LRRC4C: variants seen among roughly 807,000 people sequenced by gnomAD.
LRRC4C encodes leucine rich repeat containing 4C.
A neutral mutation model predicts 33.6 loss-of-function variants in LRRC4C; 5 were observed. The ratio of observed to expected loss-of-function variants is 0.15; its 90% CI spans 0.08 to 0.31. The LOEUF (loss-of-function observed/expected upper bound fraction) is 0.31, where lower values mean the gene tolerates loss of function less well. LRRC4C is among the 10% of genes least tolerant of loss of function. The pLI, the probability that LRRC4C is intolerant of heterozygous loss-of-function variation, is 1.00. For missense variants in LRRC4C, 560 were observed against 796.7 expected, an observed-to-expected ratio of 0.70 and a Z score of 3.58; for synonymous variants, 329 against 302.0, an observed-to-expected ratio of 1.09 and a Z score of -0.93.
intron 6 of LRRC4C, among the ~76,000 whole-genome samples, chr11:40,126,694 C>CCA (rs749675540): frequency 1.6e-3 from 245 of 152,260 alleles, no homozygotes; most frequent in Middle Eastern, 3.4e-3. Flanking sequence ...GGCGTGGTGG[C>CCA]TCACATCTGT....
intron 2 of LRRC4C, among the ~76,000 whole-genome samples, chr11:40,789,686 A>G (rs1950552766): frequency 6.6e-6 from 1 of 152,212 alleles, no homozygotes. Flanking sequence ...GATGTGTACA[A>G]ATGTTTCTGT....
intron 5 of LRRC4C, among the ~76,000 whole-genome samples, chr11:40,230,166 A>T (rs573676912): frequency 8.5e-5 from 13 of 152,322 alleles, no homozygotes; most frequent in Admixed American, 8.5e-4. Context: ...CTCAATGTGG[A>T]GATATGTATG....
chr11:41,285,011 T>C (rs909116639), intron 1 of LRRC4C, among the ~76,000 whole-genome samples: 1 of 152,168 alleles, frequency 6.6e-6, no homozygotes, highest in African/African-American at 2.4e-5. Flanking sequence ...TTTTCTCAAG[T>C]GACAGATTAT....
chr11:40,195,761 T>A (rs1862213147), intron 5 of LRRC4C, among the ~76,000 whole-genome samples: 1 of 151,976 alleles, frequency 6.6e-6, no homozygotes, highest in African/African-American at 2.4e-5. Flanking sequence ...AAAAAAGATT[T>A]CCTTGACTTC....
At chr11:40,773,410 C>T (rs1467246885) in intron 2 of LRRC4C, among the ~76,000 whole-genome samples, 4 of 151,882 alleles carry the variant, frequency 2.6e-5, no homozygotes, top group Middle Eastern at 3.2e-3. Flanking sequence ...ACAGATATTC[C>T]ATATACACTG....
chr11:40,675,584 T>C (rs1944357923), intron 2 of LRRC4C, among the ~76,000 whole-genome samples: 1 of 152,176 alleles, frequency 6.6e-6, no homozygotes, highest in South Asian at 2.1e-4. Context: ...TTATAATTTA[T>C]CTTATATGAC....
At chr11:40,848,038 T>C (rs1262879705) in intron 2 of LRRC4C, among the ~76,000 whole-genome samples, 2 of 151,310 alleles carry the variant, frequency 1.3e-5, no homozygotes, top group African/African-American at 4.8e-5. Context: ...ATTTGATTCT[T>C]CTCTCTTTTC....
intron 1 of LRRC4C, among the ~76,000 whole-genome samples, chr11:41,434,502 GT>G (rs1034674190): frequency 1.3e-5 from 2 of 152,190 alleles, no homozygotes; most frequent in Non-Finnish European, 2.9e-5. Context: ...TTCACAGGTT[GT>G]TTAAGCCCCC....
chr11:41,330,988 A>T (rs1951276837), intron 1 of LRRC4C, among the ~76,000 whole-genome samples: 1 of 151,874 alleles, frequency 6.6e-6, no homozygotes. Context: ...TTCCACATTC[A>T]TTTTTCTTCC....
intron 3 of LRRC4C, among the ~76,000 whole-genome samples, chr11:40,460,724 A>T (rs1185063432): frequency 6.6e-6 from 1 of 152,166 alleles, no homozygotes; most frequent in Non-Finnish European, 1.5e-5. Context: ...ACCAGACAAG[A>T]TGCTCCACGA....
At chr11:40,799,931 A>C (rs1381056943) in intron 2 of LRRC4C, among the ~76,000 whole-genome samples, 1 of 152,226 alleles carries the variant, frequency 6.6e-6, no homozygotes, top group Non-Finnish European at 1.5e-5. Flanking sequence ...GTATTTTAAC[A>C]GCCAGTATCT....
intron 1 of LRRC4C, among the ~76,000 whole-genome samples, chr11:41,387,604 A>G (rs1468915726): frequency 1.3e-5 from 2 of 151,742 alleles, no homozygotes; most frequent in Admixed American, 1.3e-4. Context: ...CTTATGGAAT[A>G]TAGGTGCTTG....
At chr11:41,293,473 T>C (rs1012348012) in intron 1 of LRRC4C, among the ~76,000 whole-genome samples, 7 of 152,154 alleles carry the variant, frequency 4.6e-5, no homozygotes, top group African/African-American at 1.7e-4. Flanking sequence ...AGAAGACAAT[T>C]TTCATTGTTT....
chr11:40,752,419 C>G (rs968555120), intron 2 of LRRC4C, among the ~76,000 whole-genome samples: 1 of 151,934 alleles, frequency 6.6e-6, no homozygotes, highest in East Asian at 1.9e-4. Flanking sequence ...AACAAATCAT[C>G]ACACTAAAAA....
Position 41,203,668 on chromosome 11 carries a change from ACAC to A in LRRC4C, c.-496+255760_-496+255762del, listed in dbSNP as rs1946486430. The stretch of plus-strand genomic sequence containing the variant: ...TCTACGAATTTGTGGGTTACCTTGA[ACAC>A]CACAACTGACCTCTCTGTGCCTCAG... On this transcript the variant is annotated intron_variant, in intron 1 of 6. Transcript: ENST00000528697. 6.6e-5 allele frequency among the ~76,000 whole-genome samples: 10 copies of A among 152,286 alleles called. No individual in the cohort carries two copies. The South Asian group carries it at 2.1e-3, about 32-fold the overall frequency.
At chr11:41,068,402 A>G (rs1340385697) in intron 1 of LRRC4C, among the ~76,000 whole-genome samples, 2 of 150,858 alleles carry the variant, frequency 1.3e-5, no homozygotes, top group East Asian at 3.9e-4. Flanking sequence ...TCCCCCCAAC[A>G]AAAAAAAATA....
intron 2 of LRRC4C, among the ~76,000 whole-genome samples, chr11:40,914,300 A>G (rs970370251): frequency 6.6e-6 from 1 of 152,218 alleles, no homozygotes; most frequent in African/African-American, 2.4e-5. Flanking sequence ...AATCCTCAAT[A>G]AAATACTGGC....
At chr11:40,228,320 C>T (rs2135983768) in intron 5 of LRRC4C, among the ~76,000 whole-genome samples, 1 of 152,244 alleles carries the variant, frequency 6.6e-6, no homozygotes, top group South Asian at 2.1e-4. Flanking sequence ...CTCACATTTG[C>T]CATTGTTTCT....
intron 1 of LRRC4C, among the ~76,000 whole-genome samples, chr11:40,990,675 T>C (rs1853474438): frequency 6.6e-6 from 1 of 152,160 alleles, no homozygotes; most frequent in African/African-American, 2.4e-5. Context: ...AGAGCAGTGG[T>C]AGATAAAACT....
Sources: allele counts gnomAD v4.1 joint callset (sites outside exome capture counted in the v4.1 genomes callset), GRCh38; gene constraint gnomAD v4.1.1; transcripts MANE v1.5; gene names NCBI Gene and HGNC (gene_info 2026-07-23, HGNC 2026-07-21).